The following IQSEC1 variants were observed in gnomAD, a reference collection of about 807,000 sequenced individuals.
IQSEC1 encodes the protein IQ motif and SEC7 domain-containing protein 1.
Under a neutral mutation model 91.0 loss-of-function variants are expected in IQSEC1, and 31 were observed. That is an observed-to-expected ratio of 0.34 (90% CI 0.26 to 0.46). IQSEC1 has a LOEUF of 0.46. Among genes scored for constraint, IQSEC1 ranks in the 20% least tolerant of loss-of-function variants. The pLI is 1.00. For synonymous variants in IQSEC1, 699 were observed against 662.6 expected (o/e 1.05, Z -0.84); for missense variants, 1,388 against 1,575.6 (o/e 0.88, Z 2.02).
chr3:13,178,896 A>G (rs889756618), intron 1 of IQSEC1, among the ~76,000 whole-genome samples: 16 of 152,234 alleles, frequency 1.1e-4, no homozygotes, highest in African/African-American at 3.9e-4. Flanking sequence ...CATTTGTTTT[A>G]TCTGAATTCC....
chr3:13,067,533 G>C lies in IQSEC1; in HGVS notation c.23+5459C>G, dbSNP rs561720654. Reference sequence around the variant, plus strand: ...TCCAGGTAGTGCATGCAGTGGGGAAGGGGTGGGGAGGGACAGAGCCTTGCG... The same window carrying C: ...TCCAGGTAGTGCATGCAGTGGGGAACGGGTGGGGAGGGACAGAGCCTTGCG... On this transcript the variant is annotated intron_variant, in intron 1 of 13. Coordinates refer to ENST00000613206, the MANE Select transcript of IQSEC1 (RefSeq NM_001134382.3). Among the ~76,000 whole-genome samples the C allele has an allele frequency of 1.4e-4, 21 of 152,364 alleles. No individual in the cohort carries two copies. The South Asian group carries it at 4.1e-3, about 30-fold the overall frequency.
chr3:13,186,386 G>A (rs767700157), intron 1 of IQSEC1, among the ~76,000 whole-genome samples: 9 of 152,188 alleles, frequency 5.9e-5, no homozygotes, highest in Non-Finnish European at 1.2e-4. Flanking sequence ...ATCATTACCA[G>A]AGATGAAAAG....
intron 1 of IQSEC1, among the ~76,000 whole-genome samples, chr3:13,224,683 G>A (rs11707839): frequency 0.23 from 35,252 of 151,842 alleles, 4,401 homozygotes; most frequent in Non-Finnish European, 0.28. Flanking sequence ...AGCATAGCCT[G>A]CCAGGAGGGT....
intron 2 of IQSEC1, among the ~76,000 whole-genome samples, chr3:13,121,968 AT>A (rs140317615): frequency 6.6e-6 from 1 of 152,366 alleles, no homozygotes; most frequent in African/African-American, 2.4e-5. Flanking sequence ...ACAATGCTGG[AT>A]CTGAAATAGT....
chr3:13,112,429 G>A (rs1247456651), intron 2 of IQSEC1, among the ~76,000 whole-genome samples: 1 of 152,256 alleles, frequency 6.6e-6, no homozygotes, highest in East Asian at 1.9e-4. Context: ...CATGTGCAGT[G>A]CTGCATGGGA....
rs542585464 is a variant in IQSEC1 at position 12,897,494 on chromosome 3, C to T, written c.*3489G>A. 1.2e-4 allele frequency: 19 copies of T among 152,274 alleles called. No homozygotes were observed. Among genetic ancestry groups the T allele is most frequent in the African/African-American group, 3.9e-4 (16 of 41,550 alleles). The allele number at this position is 152,274 out of a possible 1,614,324, so 9.4% of individuals were successfully genotyped here. ...AGGAGATGCATGCTGTGTGCAGTCT[C>T]GATGTGACTGCACACAGAAGGGCGA... On this transcript the variant is annotated 3_prime_UTR_variant, in exon 14 of 14. Transcript: ENST00000613206.
Position 12,908,335 on chromosome 3 carries a change from G to A in IQSEC1, c.2755+14C>T. ...GCGCTGGGCTAGCAAGGTGGTTCTA[G>A]GCCAAGCTCTTACCGGCTTCCGAGA... On this transcript the variant is annotated intron_variant, in intron 12 of 13. Coordinates refer to ENST00000613206, the MANE Select transcript of IQSEC1 (RefSeq NM_001134382.3). This position sits in a 1 kb window ranked among gnomAD's most constrained non-coding sequence, Gnocchi z 4.9. 1 of 1,610,750 alleles carries A rather than the reference G, an allele frequency of 6.2e-7. No homozygotes were observed. Among genetic ancestry groups the A allele is most frequent in the Non-Finnish European group, 8.5e-7 (1 of 1,179,720 alleles).
intron 1 of IQSEC1, among the ~76,000 whole-genome samples, chr3:13,030,011 C>T (rs1407779896): frequency 6.6e-6 from 1 of 152,242 alleles, no homozygotes; most frequent in Non-Finnish European, 1.5e-5. Context: ...GCTACATTAA[C>T]CAGACTGGTC....
chr3:13,041,125 T>C (rs182550899), intron 1 of IQSEC1, among the ~76,000 whole-genome samples: 2 of 151,952 alleles, frequency 1.3e-5, no homozygotes, highest in East Asian at 3.9e-4. Flanking sequence ...GGGATGAGGA[T>C]GAACAATTAA....
chr3:13,165,344 G>A (rs1325181950), intron 1 of IQSEC1, among the ~76,000 whole-genome samples: 1 of 152,112 alleles, frequency 6.6e-6, no homozygotes, highest in East Asian at 1.9e-4. Flanking sequence ...TGACCCCGGG[G>A]GCCATGGGAC....
At chr3:13,208,923 C>T (rs1156432555) in intron 1 of IQSEC1, among the ~76,000 whole-genome samples, 1 of 152,222 alleles carries the variant, frequency 6.6e-6, no homozygotes, top group East Asian at 1.9e-4. Context: ...CAGCCCTGAC[C>T]AGGGGCCAGT....
intron 1 of IQSEC1, among the ~76,000 whole-genome samples, chr3:13,252,706 C>A (rs1695215198): frequency 6.9e-6 from 1 of 145,206 alleles, no homozygotes; most frequent in African/African-American, 2.7e-5. Flanking sequence ...CAACAGACTT[C>A]TTATTATCTA....
intron 1 of IQSEC1, among the ~76,000 whole-genome samples, chr3:13,226,703 C>A (rs1694759965): frequency 6.6e-6 from 1 of 152,208 alleles, no homozygotes; most frequent in Admixed American, 6.5e-5. Context: ...CATGTCAGAT[C>A]TTCATGGAAA....
In IQSEC1 at chr3:13,000,450, G is replaced by C. The variant is rs1451859366; in HGVS notation, c.24-58585C>G. On this transcript the variant is annotated intron_variant, in intron 1 of 13. Coordinates refer to ENST00000613206, the MANE Select transcript of IQSEC1 (RefSeq NM_001134382.3). Reference sequence around the variant, plus strand: ...TCTTGAGACAGTGGGGCCAGGTACAGAGCAGAAATTCTATAGATGTTAGCT... The same window carrying C: ...TCTTGAGACAGTGGGGCCAGGTACACAGCAGAAATTCTATAGATGTTAGCT... 2.0e-5 allele frequency among the ~76,000 whole-genome samples: 3 copies of C among 152,308 alleles called. No homozygotes were observed. In the East Asian group the frequency reaches 5.8e-4, roughly 29 times the overall value.
chr3:12,924,319 G>T lies in IQSEC1; in HGVS notation c.1730+262C>A, dbSNP rs1575923249. Among the ~76,000 whole-genome samples the T allele has an allele frequency of 6.6e-6, 1 of 152,206 alleles. No individual in the cohort carries two copies. The highest frequency in any genetic ancestry group is 1.9e-4 in the East Asian group (1 of 5,186). ...GGGATGGAGGGAAGGGAGGGGCCAA[G>T]GGTGCATGCCAGAGGGTGGGCGGAC... is the stretch of plus-strand genomic sequence containing the variant. On this transcript the variant is annotated intron_variant, in intron 4 of 13. Transcript: ENST00000613206. The surrounding 1 kb of genome is among the most constrained non-coding windows in gnomAD (Gnocchi z 6.3).
At chr3:13,042,476 G>GCGGC (rs1704313652) in intron 1 of IQSEC1, 1 of 152,398 alleles carries the variant, frequency 6.6e-6, no homozygotes, top group African/African-American at 2.4e-5. Flanking sequence ...CCCTGCCACG[G>GCGGC]CGGCCCCCAC....
intron 2 of IQSEC1, among the ~76,000 whole-genome samples, chr3:13,081,939 A>T (rs1705652836): frequency 6.6e-6 from 1 of 152,262 alleles, no homozygotes; most frequent in Non-Finnish European, 1.5e-5. Flanking sequence ...CAGGTGCTCG[A>T]CAAAGGCGAC....
chr3:13,125,719 G>GCCC (rs978388072), intron 2 of IQSEC1, among the ~76,000 whole-genome samples: 23 of 152,350 alleles, frequency 1.5e-4, no homozygotes, highest in African/African-American at 5.1e-4. Context: ...GGGGATAAGG[G>GCCC]CCCTACTCAT....
At chr3:13,096,862 T>TC (rs1253027268) in intron 2 of IQSEC1, among the ~76,000 whole-genome samples, 1 of 99,146 alleles carries the variant, frequency 1.0e-5, no homozygotes, top group Non-Finnish European at 1.9e-5. Context: ...CTTTCTTTCT[T>TC]TCTTTTTTTT....
Sources: allele counts gnomAD v4.1 joint callset (sites outside exome capture counted in the v4.1 genomes callset), GRCh38; gene constraint gnomAD v4.1.1; non-coding constraint Gnocchi (gnomAD v3.1); transcripts MANE v1.5; gene names NCBI Gene and HGNC (gene_info 2026-07-23, HGNC 2026-07-21).